DENND5B: variants seen among roughly 807,000 people sequenced by gnomAD.
The protein encoded by DENND5B is DENN domain-containing protein 5B.
A neutral mutation model predicts 140.6 loss-of-function variants in DENND5B; 34 were observed. The observed-to-expected ratio is 0.24, with a 90% confidence interval of 0.18 to 0.32. The LOEUF (loss-of-function observed/expected upper bound fraction) is 0.32. Among genes scored for constraint, DENND5B ranks in the 10% least tolerant of loss-of-function variants. The probability of loss-of-function intolerance (pLI) is 1.00; values close to 1 mark genes in which losing one functional copy is unlikely to be tolerated. For missense variants in DENND5B, 1,142 were observed against 1,560.2 expected (o/e 0.73, Z 4.52); for synonymous variants, 551 against 562.1 (o/e 0.98, Z 0.28).
intron 7 of DENND5B, among the ~76,000 whole-genome samples, chr12:31,436,157 T>C (rs549889621): frequency 6.6e-6 from 1 of 150,572 alleles, no homozygotes; most frequent in Admixed American, 6.6e-5. Context: ...CAGGCTGGAG[T>C]GCAGTGGCGT....
Position 31,399,659 on chromosome 12 carries a change from T to A in DENND5B, c.3063A>T (p.Thr1021=). ...VMVRNEITGH[T]YRFPCGRWLG... is the part of the protein sequence containing the mutation. ...TCCCAAGGCCATTTACTTACCTGTATGTATGTCCTGTGATTTCATTTCTGA... is the reference window on the plus strand; with the variant it reads ...TCCCAAGGCCATTTACTTACCTGTAAGTATGTCCTGTGATTTCATTTCTGA... The change falls in exon 16 of 21, where the codon ACA becomes ACT. Residue 1021 remains threonine (T), a synonymous_variant. Coordinates refer to ENST00000389082, the MANE Select transcript of DENND5B (RefSeq NM_144973.4). 1 of 1,612,946 alleles carries A rather than the reference T, an allele frequency of 6.2e-7. No individual in the cohort carries two copies. The highest frequency in any genetic ancestry group is 8.5e-7 in the Non-Finnish European group (1 of 1,179,112).
In DENND5B at chr12:31,398,225, G is replaced by A; in HGVS notation, c.3206C>T (p.Pro1069Leu). Residue 1069 changes from proline (P) to leucine (L), a missense_variant, in exon 17 of 21, where the codon CCC becomes CTC. By Grantham distance (98) the Pro-to-Leu change is moderately conservative. This residue lies in a region of DENND5B where 268 missense variants were observed against 349.2 expected (regional missense o/e 0.77). Coordinates refer to ENST00000389082, the MANE Select transcript of DENND5B (RefSeq NM_144973.4). ...GATGCTCAATCTCCTAGCCGTGGTG[G>A]GTGACTTCTGCTGGGGTGGAGTCCG... ...QCRTPPQQKS[P>L]TTARRLSITS... 2.5e-6 allele frequency: 4 copies of A among 1,604,904 alleles called. No homozygotes were observed. The highest frequency in any genetic ancestry group is 3.4e-6 in the Non-Finnish European group (4 of 1,175,940).
intron 14 of DENND5B, among the ~76,000 whole-genome samples, chr12:31,403,157 G>A (rs1427237999): frequency 6.6e-6 from 1 of 152,126 alleles, no homozygotes; most frequent in African/African-American, 2.4e-5. Flanking sequence ...CAAGTTTACA[G>A]AACAATATGC....
intron 1 of DENND5B, among the ~76,000 whole-genome samples, chr12:31,586,858 G>A (rs1950411426): frequency 6.6e-6 from 1 of 152,206 alleles, no homozygotes; most frequent in Non-Finnish European, 1.5e-5. Context: ...AGGCAAAATA[G>A]AAACTTGACT....
intron 1 of DENND5B, among the ~76,000 whole-genome samples, chr12:31,547,426 A>G (rs544172424): frequency 3.2e-4 from 49 of 152,228 alleles, no homozygotes; most frequent in African/African-American, 9.6e-4. Context: ...TTTTTGAGAC[A>G]GAGTCTCGGT....
At chr12:31,428,801 G>A (rs571653047) in intron 8 of DENND5B, among the ~76,000 whole-genome samples, 11 of 151,786 alleles carry the variant, frequency 7.2e-5, no homozygotes, top group Non-Finnish European at 1.0e-4. Context: ...GCGCGATCTC[G>A]GCTCACTGCA....
chr12:31,512,448 T>A (rs976920518), intron 1 of DENND5B, among the ~76,000 whole-genome samples: 3 of 151,328 alleles, frequency 2.0e-5, no homozygotes, highest in Non-Finnish European at 2.9e-5. Flanking sequence ...CTCAGGCTGG[T>A]CTCAAACTCC....
intron 1 of DENND5B, among the ~76,000 whole-genome samples, chr12:31,552,312 T>G (rs1565688306): frequency 6.6e-6 from 1 of 152,202 alleles, no homozygotes; most frequent in East Asian, 1.9e-4. Flanking sequence ...TCTGCATCTA[T>G]TGAGATAATC....
chr12:31,470,655 A>T (rs905999868), intron 3 of DENND5B, among the ~76,000 whole-genome samples: 1 of 152,230 alleles, frequency 6.6e-6, no homozygotes, highest in Non-Finnish European at 1.5e-5. Flanking sequence ...AAGTGAGGAC[A>T]GTCTTGTGAG....
intron 2 of DENND5B, among the ~76,000 whole-genome samples, chr12:31,481,272 A>T (rs1946058316): frequency 6.6e-6 from 1 of 152,158 alleles, no homozygotes; most frequent in Admixed American, 6.5e-5. Flanking sequence ...AGAAAATACA[A>T]TTCCTTTATT....
At chr12:31,405,586 C>T (rs1292500238) in intron 14 of DENND5B, among the ~76,000 whole-genome samples, 4 of 152,074 alleles carry the variant, frequency 2.6e-5, no homozygotes. Context: ...TTCACTCTAT[C>T]TCCCAGGCTG....
Position 31,409,779 on chromosome 12 carries a change from A to AT in DENND5B, c.2682-396dup, listed in dbSNP as rs1257553104. Reference sequence around the variant, plus strand: ...CAGGCATGAGCCACCATGCCCGGCCATTTTTTTTCTTTTGTTTCTTTCCCA... The same window carrying AT: ...CAGGCATGAGCCACCATGCCCGGCCATTTTTTTTTCTTTTGTTTCTTTCCCA... On this transcript the variant is annotated intron_variant, in intron 13 of 20. Transcript: ENST00000389082. Among the ~76,000 whole-genome samples the AT allele has an allele frequency of 2.0e-5, 3 of 151,104 alleles. No individual in the cohort carries two copies. In the East Asian group the frequency reaches 5.9e-4, roughly 30 times the overall value.
chr12:31,392,761 A>ACAGTTGATGTCCCATAG, intron 17 of DENND5B, 65 bp from the exon 18 acceptor site: 1 of 1,422,634 alleles, frequency 7.0e-7, no homozygotes, highest in Non-Finnish European at 9.6e-7. Flanking sequence ...ACTATGGGAC[A>ACAGTTGATGTCCCATAG]TCAACTGTGT....
intron 1 of DENND5B, among the ~76,000 whole-genome samples, chr12:31,524,065 G>GATC (rs909218930): frequency 2.3e-4 from 25 of 108,924 alleles, no homozygotes; most frequent in African/African-American, 9.6e-4. Context: ...TTTTTTTTTA[G>GATC]ATCATGTCAT....
At chr12:31,441,672 T>A (rs1944039293) in intron 7 of DENND5B, among the ~76,000 whole-genome samples, 1 of 152,044 alleles carries the variant, frequency 6.6e-6, no homozygotes, top group Non-Finnish European at 1.5e-5. Flanking sequence ...GTTGTTGCTG[T>A]TTTTAATCCA....
intron 1 of DENND5B, among the ~76,000 whole-genome samples, chr12:31,580,379 G>C (rs1439411927): frequency 6.6e-6 from 1 of 152,090 alleles, no homozygotes; most frequent in Non-Finnish European, 1.5e-5. Flanking sequence ...CCTTCACAAA[G>C]CTGTTAGATA....
intron 1 of DENND5B, among the ~76,000 whole-genome samples, chr12:31,586,314 G>A (rs1044812827): frequency 5.9e-5 from 9 of 152,110 alleles, no homozygotes; most frequent in South Asian, 2.1e-4. Flanking sequence ...AATATTTAAA[G>A]GGAATTTAAA....
chr12:31,471,794 T>C (rs527699585), intron 3 of DENND5B, among the ~76,000 whole-genome samples: 1 of 152,282 alleles, frequency 6.6e-6, no homozygotes, highest in South Asian at 2.1e-4. Context: ...CAGATGGCTA[T>C]ATGTGATCCA....
intron 4 of DENND5B, among the ~76,000 whole-genome samples, chr12:31,459,808 C>T (rs1242547880): frequency 1.3e-5 from 2 of 151,798 alleles, no homozygotes. Context: ...TGATAGAGGT[C>T]AAAAATAAAA....
Sources: allele counts gnomAD v4.1 joint callset (sites outside exome capture counted in the v4.1 genomes callset), GRCh38; gene constraint gnomAD v4.1.1; regional missense constraint gnomAD v4.1.1; transcripts MANE v1.5; gene names NCBI Gene and HGNC (gene_info 2026-07-23, HGNC 2026-07-21).